The following LRBA variants were observed in gnomAD, a reference collection of about 807,000 sequenced individuals.
The protein encoded by LRBA is LPS responsive beige-like anchor protein.
Under a neutral mutation model 330.0 loss-of-function variants are expected in LRBA, and 176 were observed. That is an observed-to-expected ratio of 0.53 (90% CI 0.47 to 0.60). The LOEUF (loss-of-function observed/expected upper bound fraction) is 0.60. Among genes scored for constraint, LRBA ranks in the 20% least tolerant of loss-of-function variants. LRBA has a pLI of 0.00. For missense variants in LRBA, 3,259 were observed against 3,444.8 expected, an observed-to-expected ratio of 0.95 and a Z score of 1.35; for synonymous variants, 1,230 against 1,193.0, an observed-to-expected ratio of 1.03 and a Z score of -0.64.
chr4:150,689,936 A>G (rs1488786233), intron 36 of LRBA, among the ~76,000 whole-genome samples: 2 of 151,662 alleles, frequency 1.3e-5, no homozygotes. Flanking sequence ...AATAATAATG[A>G]AAAAAAAATT....
chr4:150,852,772 G>A lies in LRBA; in HGVS notation c.2938C>T (p.Pro980Ser). Residue 980 changes from proline to serine, a missense_variant, in exon 23 of 57, where the codon CCT (proline) becomes TCT (serine). Pro to Ser is a moderately conservative substitution (Grantham distance 74). Coordinates refer to ENST00000651943, the MANE Select transcript of LRBA (RefSeq NM_001364905.1). Reference protein sequence around the residue: ...GSQQPDTKDSPVCPHFTTNGN... With the variant: ...GSQQPDTKDSSVCPHFTTNGN... Reference sequence around the variant, plus strand: ...TTTGTGGTGAAATGAGGACAGACAGGAGAATCCTTCGTATCTGGTTGCTGG... The same window carrying A: ...TTTGTGGTGAAATGAGGACAGACAGAAGAATCCTTCGTATCTGGTTGCTGG... 2 of 1,614,016 alleles carry A rather than the reference G, an allele frequency of 1.2e-6. No individual in the cohort carries two copies. The highest frequency in any genetic ancestry group is 1.7e-6 in the Non-Finnish European group (2 of 1,179,938).
chr4:150,828,754 CTAAT>C (rs951151690), intron 29 of LRBA, 133 bp from the exon 30 acceptor site: 34 of 713,216 alleles, frequency 4.8e-5, no homozygotes, highest in African/African-American at 2.1e-4. Flanking sequence ...AAAGCAAAAA[CTAAT>C]TACGTATTCT....
chr4:150,800,717 C>T (rs142581211), intron 33 of LRBA, among the ~76,000 whole-genome samples: 2 of 152,260 alleles, frequency 1.3e-5, no homozygotes, highest in East Asian at 3.9e-4. Flanking sequence ...GTACTGCAAG[C>T]TTACAGATTT....
chr4:151,011,597 CAAAAA>C (rs77338885), intron 2 of LRBA, among the ~76,000 whole-genome samples: 1 of 90,512 alleles, frequency 1.1e-5, no homozygotes. Flanking sequence ...GACTCTATCT[CAAAAA>C]AAAAAAAAAA....
intron 49 of LRBA, among the ~76,000 whole-genome samples, chr4:150,322,614 G>GTT (rs1732669368): frequency 6.6e-6 from 1 of 152,108 alleles, no homozygotes; most frequent in African/African-American, 2.4e-5. Flanking sequence ...TTTTAAAAAA[G>GTT]TTATTAAGAG....
Position 150,928,533 on chromosome 4 carries a change from C to T in LRBA, c.532G>A (p.Gly178Arg), listed in dbSNP as rs1734120556. The change falls in exon 4 of 57, where the codon GGA (glycine) becomes AGA (arginine). Residue 178 changes from glycine to arginine, a missense_variant. Gly to Arg is a moderately radical substitution (Grantham distance 125). Coordinates refer to ENST00000651943, the MANE Select transcript of LRBA (RefSeq NM_001364905.1). ...ELKLFFSKLQ[G>R]DKGRWPPHAG... ...TTTTTTACCCATCGTCCTTTATCTC[C>T]TTGAAGTTTACTGAAGAAAAGCTTT... 27 of 1,613,328 alleles carry T rather than the reference C, an allele frequency of 1.7e-5. No homozygotes were observed. The highest frequency in any genetic ancestry group is 2.2e-5 in the Non-Finnish European group (26 of 1,179,612).
At chr4:150,825,812 G>A (rs1358134291) in intron 30 of LRBA, among the ~76,000 whole-genome samples, 1 of 152,148 alleles carries the variant, frequency 6.6e-6, no homozygotes, top group Non-Finnish European at 1.5e-5. Flanking sequence ...GAAAAGTCAT[G>A]ACATTATAAG....
Position 150,601,226 on chromosome 4 carries a change from ATT to A in LRBA, c.5922-2097_5922-2096del, listed in dbSNP as rs1163933157. Among the ~76,000 whole-genome samples, 14 of 152,348 alleles carry A rather than the reference ATT, an allele frequency of 9.2e-5. No individual in the cohort carries two copies. The East Asian group carries it at 2.5e-3, about 27-fold the overall frequency. On this transcript the variant is annotated intron_variant, in intron 37 of 56. Coordinates refer to ENST00000651943, the MANE Select transcript of LRBA (RefSeq NM_001364905.1). ...ATTTGTCATTCATCCATCCTTCTAC[ATT>A]TTGAGTCAAATTAAATGATGTCATT...
intron 47 of LRBA, among the ~76,000 whole-genome samples, chr4:150,380,145 C>T (rs1162130956): frequency 6.6e-6 from 1 of 151,236 alleles, no homozygotes; most frequent in East Asian, 1.9e-4. Flanking sequence ...CGCCATTGCA[C>T]TCCAGCCTGG....
chr4:150,357,466 T>C (rs1203687200), intron 47 of LRBA, among the ~76,000 whole-genome samples: 1 of 152,016 alleles, frequency 6.6e-6, no homozygotes, highest in Non-Finnish European at 1.5e-5. Context: ...GAGATGATTT[T>C]TAAAAAATGT....
intron 38 of LRBA, among the ~76,000 whole-genome samples, chr4:150,591,541 G>A (rs928701229): frequency 9.9e-5 from 15 of 152,156 alleles, no homozygotes; most frequent in African/African-American, 3.4e-4. Flanking sequence ...GAGCAAGGCG[G>A]TGTGGAAACT....
intron 35 of LRBA, among the ~76,000 whole-genome samples, chr4:150,754,493 T>C (rs1365557529): frequency 8.4e-6 from 1 of 119,726 alleles, no homozygotes; most frequent in African/African-American, 3.2e-5. Context: ...GGTTGCAGCC[T>C]GGGTGACAGA....
At chr4:150,744,335 T>C (rs536541121) in intron 35 of LRBA, among the ~76,000 whole-genome samples, 2 of 152,344 alleles carry the variant, frequency 1.3e-5, no homozygotes, top group South Asian at 4.1e-4. Flanking sequence ...ACTATCCTAC[T>C]AGTCCCCAAA....
At chr4:150,465,091 C>T (rs1161749424) in intron 44 of LRBA, among the ~76,000 whole-genome samples, 1 of 151,992 alleles carries the variant, frequency 6.6e-6, no homozygotes, top group African/African-American at 2.4e-5. Context: ...AACCAGTATT[C>T]TACTTTTTGT....
At chr4:150,984,228 T>C (rs900324699) in intron 2 of LRBA, among the ~76,000 whole-genome samples, 1 of 152,226 alleles carries the variant, frequency 6.6e-6, no homozygotes, top group Non-Finnish European at 1.5e-5. Flanking sequence ...TACAGAACTT[T>C]AGGGCTGGGC....
At chr4:150,383,917 C>G (rs1742665419) in intron 47 of LRBA, among the ~76,000 whole-genome samples, 1 of 152,170 alleles carries the variant, frequency 6.6e-6, no homozygotes, top group Non-Finnish European at 1.5e-5. Context: ...TATAGCATTA[C>G]AGTCTGGCAG....
At chr4:150,588,676 T>G (rs2126442487) in intron 39 of LRBA, among the ~76,000 whole-genome samples, 1 of 152,328 alleles carries the variant, frequency 6.6e-6, no homozygotes, top group East Asian at 1.9e-4. Flanking sequence ...TATTTTCTGA[T>G]AGAGATTTTA....
At chr4:150,644,941 A>T (rs1374413649) in intron 37 of LRBA, among the ~76,000 whole-genome samples, 1 of 151,746 alleles carries the variant, frequency 6.6e-6, no homozygotes, top group East Asian at 1.9e-4. Context: ...TTACTCAGGT[A>T]CCCTGCAAAA....
At chr4:150,429,271 T>C (rs1454354686) in intron 46 of LRBA, among the ~76,000 whole-genome samples, 1 of 151,888 alleles carries the variant, frequency 6.6e-6, no homozygotes, top group African/African-American at 2.4e-5. Flanking sequence ...AATGAGTTCT[T>C]AAAGATAACT....
Sources: gnomAD v4.1 joint callset for allele counts (sites outside exome capture counted in the v4.1 genomes callset) on GRCh38, gnomAD v4.1.1 for gene constraint, MANE v1.5 for transcripts, NCBI Gene and HGNC (gene_info 2026-07-23, HGNC 2026-07-21) for gene names.